TMCC1: variants seen among roughly 807,000 people sequenced by gnomAD.
TMCC1 encodes the protein transmembrane and coiled-coil domain family 1.
A neutral mutation model predicts 52.4 loss-of-function variants in TMCC1; 15 were observed. The observed-to-expected ratio is 0.29, with a 90% CI of 0.19 to 0.44. The LOEUF is 0.44. Among genes scored for constraint, TMCC1 ranks in the 20% least tolerant of loss-of-function variants. TMCC1 has a pLI of 1.00. For missense variants in TMCC1, 503 were observed against 806.0 expected (o/e 0.62, Z 4.55); for synonymous variants, 279 against 301.9 (o/e 0.92, Z 0.79).
At chr3:129,871,365 C>CAAA (rs908333351) in intron 2 of TMCC1, among the ~76,000 whole-genome samples, 55 of 49,628 alleles carry the variant, frequency 1.1e-3, no homozygotes, top group African/African-American at 2.2e-3. Context: ...GACGCTGTCT[C>CAAA]AAAAAAAAAA....
chr3:129,885,616 T>C (rs1020945304), intron 1 of TMCC1, among the ~76,000 whole-genome samples: 14 of 152,136 alleles, frequency 9.2e-5, no homozygotes, highest in African/African-American at 3.4e-4. Flanking sequence ...CAATATTTGA[T>C]GCTATTCTAT....
intron 2 of TMCC1, among the ~76,000 whole-genome samples, chr3:129,879,314 T>C (rs1188730461): frequency 6.6e-6 from 1 of 152,060 alleles, no homozygotes; most frequent in Non-Finnish European, 1.5e-5. Flanking sequence ...CAGTGGCATA[T>C]GCCTGCAGTC....
At position 129,651,857 on chromosome 3, in the gene TMCC1, TGCCCCCTGGGCAAGCCA is replaced by T. The variant is rs2086349600; in HGVS notation, c.1648-79_1648-63del. 2 of 1,542,284 alleles carry T rather than the reference TGCCCCCTGGGCAAGCCA, an allele frequency of 1.3e-6. No homozygotes were observed. Among genetic ancestry groups the T allele is most frequent in the African/African-American group, 2.7e-5 (2 of 73,082 alleles). ...TCACAAGTATTCTGAGATGCTGACA[TGCCCCCTGGGCAAGCCA>T]GATGCATCTTGAGCAATGCCAATGA... On this transcript the variant is annotated intron_variant, in intron 6 of 6. Transcript: ENST00000393238. The surrounding 1 kb of genome is among the most constrained non-coding windows in gnomAD (Gnocchi z 5.1).
At chr3:129,736,375 C>G (rs1046489839) in intron 4 of TMCC1, among the ~76,000 whole-genome samples, 11 of 152,250 alleles carry the variant, frequency 7.2e-5, no homozygotes, top group African/African-American at 2.6e-4. Flanking sequence ...TTTTATCACA[C>G]AATTGTTTAA....
At chr3:129,723,299 T>C (rs2049780282) in intron 4 of TMCC1, among the ~76,000 whole-genome samples, 1 of 151,984 alleles carries the variant, frequency 6.6e-6, no homozygotes, top group East Asian at 1.9e-4. Context: ...ATTCAGAAAA[T>C]TTCCAAGTCC....
intron 2 of TMCC1, among the ~76,000 whole-genome samples, chr3:129,839,274 G>A (rs541030438): frequency 6.6e-6 from 1 of 152,252 alleles, no homozygotes; most frequent in East Asian, 1.9e-4. Context: ...AGGGAAAAGA[G>A]GGAAGAACTG....
chr3:129,759,832 C>T (rs905560454), intron 4 of TMCC1, among the ~76,000 whole-genome samples: 39 of 150,128 alleles, frequency 2.6e-4, no homozygotes, highest in Non-Finnish European at 4.7e-4. Flanking sequence ...CGCCATTCTC[C>T]TGCCTCAGCC....
intron 2 of TMCC1, among the ~76,000 whole-genome samples, chr3:129,852,356 C>G (rs1428470024): frequency 6.7e-6 from 1 of 150,202 alleles, no homozygotes; most frequent in Non-Finnish European, 1.5e-5. Flanking sequence ...ACTCAGGAGT[C>G]CAAGGTAGGA....
intron 3 of TMCC1, among the ~76,000 whole-genome samples, chr3:129,829,882 C>T (rs1345290247): frequency 6.6e-6 from 1 of 152,126 alleles, no homozygotes; most frequent in East Asian, 1.9e-4. Context: ...TCTCAGAAGA[C>T]TTTTTTCAAA....
At chr3:129,802,548 A>T (rs1200709048) in intron 4 of TMCC1, among the ~76,000 whole-genome samples, 3 of 152,248 alleles carry the variant, frequency 2.0e-5, no homozygotes, top group Non-Finnish European at 4.4e-5. Flanking sequence ...TTGGGGTTAC[A>T]GTGAGCTATG....
intron 2 of TMCC1, among the ~76,000 whole-genome samples, chr3:129,856,270 T>C (rs1055805147): frequency 2.6e-5 from 4 of 152,176 alleles, no homozygotes; most frequent in Non-Finnish European, 5.9e-5. Context: ...GAATGGATCG[T>C]GAGAACTCCT....
intron 4 of TMCC1, among the ~76,000 whole-genome samples, chr3:129,674,450 C>A (rs933111677): frequency 1.3e-5 from 2 of 152,148 alleles, no homozygotes; most frequent in South Asian, 2.1e-4. Context: ...GGAACTCCTC[C>A]CAATTCTAGC....
At chr3:129,670,261 A>AT in intron 5 of TMCC1, 69 bp downstream of exon 5, 1 of 1,491,056 alleles carries the variant, frequency 6.7e-7, no homozygotes, top group Non-Finnish European at 9.0e-7. Flanking sequence ...TTTAAAAGCC[A>AT]TTTCCCCATA....
chr3:129,872,672 C>T (rs371780338), intron 2 of TMCC1, among the ~76,000 whole-genome samples: 2 of 151,956 alleles, frequency 1.3e-5, no homozygotes, highest in East Asian at 1.9e-4. Context: ...AAAGGTGACA[C>T]AGGGAGGCTG....
intron 5 of TMCC1, among the ~76,000 whole-genome samples, chr3:129,658,798 AG>A (rs2086833138): frequency 6.6e-6 from 1 of 152,214 alleles, no homozygotes; most frequent in Admixed American, 6.5e-5. Context: ...TCATGTAATG[AG>A]GGGGTAGCTT....
At chr3:129,817,258 T>C (rs929216471) in intron 4 of TMCC1, among the ~76,000 whole-genome samples, 1 of 152,132 alleles carries the variant, frequency 6.6e-6, no homozygotes, top group African/African-American at 2.4e-5. Flanking sequence ...CAAAACAACC[T>C]TATTGACCAA....
intron 4 of TMCC1, among the ~76,000 whole-genome samples, chr3:129,776,961 T>C (rs896138112): frequency 9.9e-5 from 15 of 152,148 alleles, no homozygotes; most frequent in African/African-American, 3.4e-4. Flanking sequence ...AAAAGGCAGC[T>C]TGGCATTAAG....
chr3:129,810,506 G>A (rs902168595), intron 4 of TMCC1, among the ~76,000 whole-genome samples: 1 of 152,246 alleles, frequency 6.6e-6, no homozygotes, highest in East Asian at 1.9e-4. Flanking sequence ...CTAAACTCCT[G>A]ACAATAGAAA....
At chr3:129,763,197 C>CAAA (rs1553860522) in intron 4 of TMCC1, among the ~76,000 whole-genome samples, 7 of 122,586 alleles carry the variant, frequency 5.7e-5, no homozygotes, top group African/African-American at 1.4e-4. Flanking sequence ...GACTCTGTCT[C>CAAA]AAAAAATAAA....
Sources: allele counts gnomAD v4.1 joint callset (sites outside exome capture counted in the v4.1 genomes callset), GRCh38; gene constraint gnomAD v4.1.1; non-coding constraint Gnocchi (gnomAD v3.1); transcripts MANE v1.5; gene names NCBI Gene and HGNC (gene_info 2026-07-23, HGNC 2026-07-21).